Variants in RSBN1 observed in about 807,000 individuals in gnomAD.
The protein encoded by RSBN1 is round spermatid basic protein 1.
A neutral mutation model predicts 74.8 loss-of-function variants in RSBN1; 23 were observed. That is an observed-to-expected ratio of 0.31 (90% CI 0.22 to 0.44). RSBN1 has a LOEUF of 0.44. Among genes scored for constraint, RSBN1 ranks in the 20% least tolerant of loss-of-function variants. The probability of loss-of-function intolerance (pLI) is 1.00; values close to 1 mark genes in which losing one functional copy is unlikely to be tolerated. For synonymous variants in RSBN1, 407 were observed against 379.6 expected, an observed-to-expected ratio of 1.07 and a Z score of -0.84; for missense variants, 808 against 1,020.9, an observed-to-expected ratio of 0.79 and a Z score of 2.84.
At chr1:113,772,405 A>T (rs1306806177) in intron 4 of RSBN1, among the ~76,000 whole-genome samples, 2 of 152,114 alleles carry the variant, frequency 1.3e-5, no homozygotes, top group African/African-American at 2.4e-5. Context: ...ATTAAAAAAA[A>T]ACCCTGCCAA....
intron 1 of RSBN1, among the ~76,000 whole-genome samples, chr1:113,798,519 A>C (rs913335318): frequency 1.2e-4 from 19 of 152,286 alleles, no homozygotes; most frequent in African/African-American, 4.3e-4. Context: ...AAGCCATGAG[A>C]TATCATTTTT....
At chr1:113,799,621 T>C (rs1025711721) in intron 1 of RSBN1, among the ~76,000 whole-genome samples, 2 of 150,128 alleles carry the variant, frequency 1.3e-5, no homozygotes, top group African/African-American at 2.4e-5. Flanking sequence ...CAGAAAAATA[T>C]CTGGAGAAAT....
At position 113,791,233 on chromosome 1, in the gene RSBN1, TA is replaced by T. The variant is rs566882819; in HGVS notation, c.1377+6129del. ...TGGCATCAAAGAGAAATATGCCTAT[TA>T]AAAAAAATAATAGTTTTGCATAAAA... On this transcript the variant is annotated intron_variant, in intron 2 of 6. Transcript: ENST00000261441. 1.7e-4 allele frequency among the ~76,000 whole-genome samples: 26 copies of T among 152,064 alleles called. No homozygotes were observed. In the East Asian group the frequency reaches 4.8e-3, roughly 28 times the overall value.
At chr1:113,782,990 T>C (rs1035453805) in intron 2 of RSBN1, among the ~76,000 whole-genome samples, 4 of 152,222 alleles carry the variant, frequency 2.6e-5, no homozygotes, top group Non-Finnish European at 4.4e-5. Context: ...TATTTCGTTG[T>C]TGTTGTTATT....
chr1:113,781,370 C>A (rs1188356709), intron 2 of RSBN1, among the ~76,000 whole-genome samples: 1 of 152,176 alleles, frequency 6.6e-6, no homozygotes, highest in Non-Finnish European at 1.5e-5. Flanking sequence ...CACTGATGAC[C>A]TCTTCACAAC....
chr1:113,767,000 A>T (rs1659793198), intron 6 of RSBN1, 99 bp downstream of exon 6: 10 of 628,976 alleles, frequency 1.6e-5, no homozygotes, highest in Non-Finnish European at 2.7e-5. Flanking sequence ...AATTAAACTC[A>T]CTATCCCACA....
At chr1:113,796,973 C>A (rs1349705690) in intron 2 of RSBN1, among the ~76,000 whole-genome samples, 1 of 152,190 alleles carries the variant, frequency 6.6e-6, no homozygotes, top group Middle Eastern at 3.2e-3. Flanking sequence ...AAAAACCTGG[C>A]ATATAAACAG....
intron 2 of RSBN1, among the ~76,000 whole-genome samples, chr1:113,793,205 C>A (rs1237549575): frequency 1.3e-5 from 2 of 152,174 alleles, no homozygotes; most frequent in Admixed American, 1.3e-4. Context: ...AGAGCCCAGT[C>A]TACACTCCTA....
At chr1:113,807,313 C>CA (rs767306902) in intron 1 of RSBN1, among the ~76,000 whole-genome samples, 1,763 of 69,704 alleles carry the variant, frequency 0.025, 14 homozygotes, top group Non-Finnish European at 0.029. Flanking sequence ...GAATCCATCT[C>CA]AAAAAAAAAA....
chr1:113,794,152 A>T (rs1341608265), intron 2 of RSBN1, among the ~76,000 whole-genome samples: 2 of 152,082 alleles, frequency 1.3e-5, no homozygotes, highest in Non-Finnish European at 2.9e-5. Flanking sequence ...TCTCTCACCA[A>T]GACTAGTTAA....
intron 2 of RSBN1, among the ~76,000 whole-genome samples, chr1:113,784,727 C>A (rs1478425347): frequency 2.0e-5 from 3 of 152,194 alleles, no homozygotes; most frequent in Non-Finnish European, 4.4e-5. Flanking sequence ...AGGCCACAGA[C>A]CAGTACTGGG....
chr1:113,792,196 C>A (rs1660379897), intron 2 of RSBN1, among the ~76,000 whole-genome samples: 1 of 152,138 alleles, frequency 6.6e-6, no homozygotes, highest in African/African-American at 2.4e-5. Context: ...ATCTTCCCTA[C>A]CCCCAGCAAA....
intron 2 of RSBN1, among the ~76,000 whole-genome samples, chr1:113,791,693 G>A (rs1463353931): frequency 6.6e-6 from 1 of 151,894 alleles, no homozygotes; most frequent in African/African-American, 2.4e-5. Context: ...CTGGGTCAAA[G>A]TGAGTACTTA....
At chr1:113,777,608 T>G in intron 3 of RSBN1, 63 bp downstream of exon 3, 1 of 1,467,420 alleles carries the variant, frequency 6.8e-7, no homozygotes, top group Non-Finnish European at 9.3e-7. Flanking sequence ...TAAATACTCT[T>G]CAACATATAA....
intron 1 of RSBN1, among the ~76,000 whole-genome samples, chr1:113,808,365 A>G (rs1375902996): frequency 6.6e-6 from 1 of 152,236 alleles, no homozygotes; most frequent in Non-Finnish European, 1.5e-5. Context: ...TGACAAGAAA[A>G]AAAAAGTCTG....
chr1:113,768,359 G>A lies in RSBN1; in HGVS notation c.1689C>T (p.Tyr563=). The change falls in exon 5 of 7, where the codon TAC becomes TAT. Residue 563 remains tyrosine, a synonymous_variant. Transcript: ENST00000261441. ...CGCGGGGTTCACTGGTCCGAGGTAG[G>A]TACTGGAGATTTTTTATTTCATTCA... ...RSMNEIKNLQ[Y]LPRTSEPREV... is the part of the protein sequence containing the mutation. 6.2e-7 allele frequency: 1 copy of A among 1,605,704 alleles called. No homozygotes were observed. Among genetic ancestry groups the A allele is most frequent in the Non-Finnish European group, 8.5e-7 (1 of 1,175,558 alleles).
chr1:113,785,790 C>T (rs1290644935), intron 2 of RSBN1, among the ~76,000 whole-genome samples: 1 of 152,068 alleles, frequency 6.6e-6, no homozygotes, highest in Non-Finnish European at 1.5e-5. Context: ...AAGCATTGCC[C>T]TTTCCAAGAT....
At chr1:113,809,332 G>C (rs1392725655) in intron 1 of RSBN1, among the ~76,000 whole-genome samples, 1 of 152,196 alleles carries the variant, frequency 6.6e-6, no homozygotes, top group Non-Finnish European at 1.5e-5. Flanking sequence ...GCAGTTGAGA[G>C]AGGGTAAAGC....
At chr1:113,808,535 T>C (rs1441472884) in intron 1 of RSBN1, among the ~76,000 whole-genome samples, 1 of 152,182 alleles carries the variant, frequency 6.6e-6, no homozygotes, top group Non-Finnish European at 1.5e-5. Context: ...AACACCAATT[T>C]TCATAGAAGC....
Sources: allele counts gnomAD v4.1 joint callset (sites outside exome capture counted in the v4.1 genomes callset), GRCh38; gene constraint gnomAD v4.1.1; transcripts MANE v1.5; gene names NCBI Gene and HGNC (gene_info 2026-07-23, HGNC 2026-07-21).